Variants in SLC24A3 observed in about 807,000 individuals in gnomAD.
The protein encoded by SLC24A3 is solute carrier family 24 member 3.
A neutral mutation model predicts 75.8 loss-of-function variants in SLC24A3; 28 were observed. The ratio of observed to expected loss-of-function variants is 0.37; its 90% CI spans 0.27 to 0.51. The LOEUF is 0.51. Ranked by LOEUF, SLC24A3 falls within the 20% of genes least tolerant of loss-of-function variation. The probability of loss-of-function intolerance (pLI) is 0.94; values close to 1 mark genes in which losing one functional copy is unlikely to be tolerated. For synonymous variants in SLC24A3, 372 were observed against 334.1 expected, an observed-to-expected ratio of 1.11 and a Z score of -1.24; for missense variants, 663 against 847.8, an observed-to-expected ratio of 0.78 and a Z score of 2.71.
At chr20:19,239,206 TC>T (rs1014844835) in intron 1 of SLC24A3, among the ~76,000 whole-genome samples, 5 of 151,758 alleles carry the variant, frequency 3.3e-5, no homozygotes, top group African/African-American at 1.2e-4. Flanking sequence ...GACAGCCCTA[TC>T]CCTCTCTTAT....
intron 2 of SLC24A3, among the ~76,000 whole-genome samples, chr20:19,319,464 C>A (rs1039283199): frequency 1.3e-5 from 2 of 152,226 alleles, no homozygotes; most frequent in Non-Finnish European, 2.9e-5. Context: ...CACAGTCAGC[C>A]CTGCCTCATG....
chr20:19,432,080 G>C (rs897054264), intron 2 of SLC24A3, among the ~76,000 whole-genome samples: 4 of 152,124 alleles, frequency 2.6e-5, no homozygotes, highest in East Asian at 3.8e-4. Context: ...TCAGCATCTG[G>C]TTGAGGTCAT....
At chr20:19,693,509 A>G in intron 13 of SLC24A3, 84 bp downstream of exon 13, 1 of 1,517,906 alleles carries the variant, frequency 6.6e-7, no homozygotes, top group Non-Finnish European at 8.9e-7. Flanking sequence ...TCAGCCGATA[A>G]CTGTACTAGT....
intron 2 of SLC24A3, among the ~76,000 whole-genome samples, chr20:19,402,580 C>A (rs1426817900): frequency 6.6e-6 from 1 of 152,094 alleles, no homozygotes; most frequent in African/African-American, 2.4e-5. Context: ...CAGCAAAGGG[C>A]ATAAAAATAA....
intron 2 of SLC24A3, among the ~76,000 whole-genome samples, chr20:19,409,128 T>G (rs1433833678): frequency 6.6e-6 from 1 of 152,120 alleles, no homozygotes; most frequent in East Asian, 1.9e-4. Context: ...GACTTAGAGC[T>G]TCTTTAGATT....
intron 16 of SLC24A3, among the ~76,000 whole-genome samples, chr20:19,720,620 T>C (rs1297584881): frequency 6.6e-6 from 1 of 151,924 alleles, no homozygotes; most frequent in Non-Finnish European, 1.5e-5. Context: ...GGGGTCAGTG[T>C]CCCCAGGGGA....
intron 1 of SLC24A3, among the ~76,000 whole-genome samples, chr20:19,249,793 C>T (rs1055132077): frequency 6.6e-6 from 1 of 152,086 alleles, no homozygotes; most frequent in Non-Finnish European, 1.5e-5. Flanking sequence ...TGATGATTTG[C>T]GGACTGAAGC....
At chr20:19,505,648 T>C (rs1323689842) in intron 2 of SLC24A3, among the ~76,000 whole-genome samples, 3 of 152,004 alleles carry the variant, frequency 2.0e-5, no homozygotes, top group Non-Finnish European at 2.9e-5. Context: ...CCCTTAACAG[T>C]GTAGAACACA....
At chr20:19,417,392 A>C (rs1237140990) in intron 2 of SLC24A3, among the ~76,000 whole-genome samples, 1 of 152,246 alleles carries the variant, frequency 6.6e-6, no homozygotes, top group Admixed American at 6.5e-5. Flanking sequence ...AAGTACAGAC[A>C]GAATGGAACA....
At chr20:19,259,450 C>G (rs569730589) in intron 1 of SLC24A3, among the ~76,000 whole-genome samples, 43 of 152,168 alleles carry the variant, frequency 2.8e-4, no homozygotes, top group Non-Finnish European at 5.7e-4. Flanking sequence ...GACCAGAGGC[C>G]TTTAATCATA....
At chr20:19,674,061 G>A (rs150440644) in intron 9 of SLC24A3, among the ~76,000 whole-genome samples, 31 of 152,282 alleles carry the variant, frequency 2.0e-4, no homozygotes, top group Middle Eastern at 3.4e-3. Context: ...CCAGCCATCC[G>A]GTGGTCTGTG....
intron 2 of SLC24A3, among the ~76,000 whole-genome samples, chr20:19,299,832 G>A (rs920563753): frequency 1.3e-5 from 2 of 152,176 alleles, no homozygotes; most frequent in African/African-American, 4.8e-5. Context: ...ACAGGCAACT[G>A]GTTAATCCCT....
chr20:19,584,789 C>T (rs919787082), intron 4 of SLC24A3, among the ~76,000 whole-genome samples, 182 bp from the exon 5 acceptor site: 2 of 152,198 alleles, frequency 1.3e-5, no homozygotes, highest in Non-Finnish European at 2.9e-5. Flanking sequence ...GCAGTGGCTG[C>T]GCTCTGTGAG....
At chr20:19,458,320 G>A (rs570350261) in intron 2 of SLC24A3, among the ~76,000 whole-genome samples, 3 of 152,274 alleles carry the variant, frequency 2.0e-5, no homozygotes, top group Admixed American at 6.5e-5. Flanking sequence ...TTATTTTTTA[G>A]CAGACTGTGT....
chr20:19,230,971 A>T (rs1483970297), intron 1 of SLC24A3, among the ~76,000 whole-genome samples: 1 of 152,224 alleles, frequency 6.6e-6, no homozygotes, highest in African/African-American at 2.4e-5. Context: ...ATTTGGGAAC[A>T]ACTAAAGCTA....
At chr20:19,532,391 C>T (rs546330924) in intron 3 of SLC24A3, among the ~76,000 whole-genome samples, 11 of 152,302 alleles carry the variant, frequency 7.2e-5, no homozygotes, top group Admixed American at 3.9e-4. Flanking sequence ...ATCCCCAGGA[C>T]TGTCTCAGCC....
chr20:19,359,156 A>G (rs1014277502), intron 2 of SLC24A3, among the ~76,000 whole-genome samples: 2 of 152,136 alleles, frequency 1.3e-5, no homozygotes, highest in African/African-American at 4.8e-5. Context: ...CTGTGGGGCA[A>G]TGTAGTAATT....
intron 2 of SLC24A3, among the ~76,000 whole-genome samples, chr20:19,317,833 A>G (rs1222396622): frequency 1.3e-5 from 2 of 152,240 alleles, no homozygotes; most frequent in African/African-American, 4.8e-5. Context: ...GCCCTCGGGC[A>G]TCACAGCTGG....
chr20:19,623,264 T>TG (rs1177340726), intron 6 of SLC24A3, among the ~76,000 whole-genome samples: 1 of 152,202 alleles, frequency 6.6e-6, no homozygotes, highest in Non-Finnish European at 1.5e-5. Flanking sequence ...ATGTGTCTAT[T>TG]GCCTATTTAT....
Sources: allele counts gnomAD v4.1 joint callset (sites outside exome capture counted in the v4.1 genomes callset), GRCh38; gene constraint gnomAD v4.1.1; transcripts MANE v1.5; gene names NCBI Gene and HGNC (gene_info 2026-07-23, HGNC 2026-07-21).